Variants in C9orf85 observed in about 807,000 individuals in gnomAD.
C9orf85 encodes the protein uncharacterized protein C9orf85.
C9orf85 carries 16 observed loss-of-function variants against 14.9 expected under a neutral mutation model. That is an observed-to-expected ratio of 1.08 (90% CI 0.73 to 1.63). The LOEUF (loss-of-function observed/expected upper bound fraction) is 1.63. Among genes scored for constraint, C9orf85 ranks in the 40% most tolerant of loss-of-function variants. The probability of loss-of-function intolerance (pLI) is 0.00; values close to 1 mark genes in which losing one functional copy is unlikely to be tolerated. For missense variants in C9orf85, 172 were observed against 186.1 expected (o/e 0.92, Z 0.44); for synonymous variants, 45 against 56.8 (o/e 0.79, Z 0.93).
At chr9:71,933,434 C>T (rs750013414) in intron 1 of C9orf85, among the ~76,000 whole-genome samples, 1 of 152,318 alleles carries the variant, frequency 6.6e-6, no homozygotes, top group South Asian at 2.1e-4. Context: ...CTTTTTCCTA[C>T]TACACAAATT....
chr9:71,916,700 G>C (rs1008413447), intron 1 of C9orf85, among the ~76,000 whole-genome samples: 1 of 152,184 alleles, frequency 6.6e-6, no homozygotes, highest in African/African-American at 2.4e-5. Context: ...CTTAGGACCA[G>C]AGTGTTCTGG....
intron 1 of C9orf85, among the ~76,000 whole-genome samples, chr9:71,936,008 A>G (rs1315756660): frequency 2.0e-5 from 3 of 151,968 alleles, no homozygotes; most frequent in East Asian, 1.9e-4. Context: ...TACAGATTAT[A>G]TAAGGAAGTA....
intron 1 of C9orf85, among the ~76,000 whole-genome samples, chr9:71,945,372 C>T (rs1822058072): frequency 6.6e-6 from 1 of 152,108 alleles, no homozygotes; most frequent in African/African-American, 2.4e-5. Flanking sequence ...AGTTAGGGGC[C>T]TAGAGTAAGC....
At position 71,972,817 on chromosome 9, in the gene C9orf85, CAGG is replaced by C. The variant is rs1564102328; in HGVS notation, c.455_457del (p.Gly152del). On this transcript the variant is annotated inframe_deletion, in exon 4 of 4. Coordinates refer to ENST00000334731, the MANE Select transcript of C9orf85 (RefSeq NM_182505.5). ...GATTTTGATATTGATTTAGAAGACA[CAGG>C]AGGAGACCATCAAATGAATTAATAT... 1.2e-6 allele frequency: 2 copies of C among 1,608,784 alleles called. No individual in the cohort carries two copies. The highest frequency in any genetic ancestry group is 2.2e-5 in the South Asian group (2 of 90,360).
At chr9:71,978,030 C>G (rs1823036510), downstream of C9orf85, among the ~76,000 whole-genome samples, 1 of 152,134 alleles carries the variant, frequency 6.6e-6, no homozygotes, top group Non-Finnish European at 1.5e-5. Context: ...TTTCTATAAC[C>G]TCTAGCAATG....
chr9:71,974,823 T>C (rs1291440721), downstream of C9orf85, among the ~76,000 whole-genome samples: 1 of 152,230 alleles, frequency 6.6e-6, no homozygotes, highest in Non-Finnish European at 1.5e-5. Flanking sequence ...GACTTTTAAA[T>C]TTCTGCCAGT....
chr9:71,981,823 G>A (rs888500753), intron 3 of C9orf85, among the ~76,000 whole-genome samples: 4 of 152,144 alleles, frequency 2.6e-5, no homozygotes, highest in Non-Finnish European at 4.4e-5. Context: ...AGCCTTCATT[G>A]TGCTGTAAAG....
At chr9:71,944,414 AT>A (rs1165895501) in intron 1 of C9orf85, among the ~76,000 whole-genome samples, 10 of 149,992 alleles carry the variant, frequency 6.7e-5, no homozygotes, top group South Asian at 2.1e-4. Flanking sequence ...TCCACTGAAG[AT>A]TTTTTTTTTC....
intron 2 of C9orf85, among the ~76,000 whole-genome samples, chr9:71,955,238 G>A (rs369097895): frequency 6.6e-6 from 1 of 152,116 alleles, no homozygotes; most frequent in Non-Finnish European, 1.5e-5. Flanking sequence ...TGTTCATTGA[G>A]TAAGCACTCA....
chr9:71,953,716 C>T (rs187861434), intron 2 of C9orf85, among the ~76,000 whole-genome samples: 37 of 152,234 alleles, frequency 2.4e-4, no homozygotes, highest in African/African-American at 6.7e-4. Context: ...GTAAATTCTC[C>T]TCTTTTAAAT....
rs767438531 is a variant in C9orf85, at chr9:71,911,766, C to G, written c.32C>G (p.Ser11Cys). The change falls in exon 1 of 4, where the codon TCC (serine) becomes TGC (cysteine). Residue 11 changes from serine to cysteine, a missense_variant. Coordinates refer to ENST00000334731, the MANE Select transcript of C9orf85 (RefSeq NM_182505.5). ...TCCCAGAAAGGCAACGTGGCTCGTT[C>G]CAGACCTCAGAAGCACCAGAATACG... MSSQKGNVAR[S>C]RPQKHQNTFS... is the part of the protein sequence containing the mutation. 6 of 1,613,988 alleles carry G rather than the reference C, an allele frequency of 3.7e-6. No homozygotes were observed. The highest frequency in any genetic ancestry group is 5.1e-6 in the Non-Finnish European group (6 of 1,180,012).
At chr9:71,979,435 A>T (rs1823058025) in intron 3 of C9orf85, among the ~76,000 whole-genome samples, 1 of 152,142 alleles carries the variant, frequency 6.6e-6, no homozygotes, top group South Asian at 2.1e-4. Context: ...CTTTCAAATC[A>T]TCCTAGGGGG....
intron 2 of C9orf85, among the ~76,000 whole-genome samples, chr9:71,967,396 A>G (rs1822723003): frequency 6.6e-6 from 1 of 152,152 alleles, no homozygotes; most frequent in African/African-American, 2.4e-5. Context: ...CCAGTACTAC[A>G]CTACCTTGAT....
chr9:71,949,006 G>C (rs1381685074), intron 2 of C9orf85, among the ~76,000 whole-genome samples: 2 of 152,222 alleles, frequency 1.3e-5, no homozygotes, highest in Non-Finnish European at 2.9e-5. Context: ...TGAATGAATT[G>C]TGTTCTCTGC....
chr9:71,972,271 T>C (rs994103060), intron 3 of C9orf85, among the ~76,000 whole-genome samples: 1 of 152,178 alleles, frequency 6.6e-6, no homozygotes, highest in Non-Finnish European at 1.5e-5. Flanking sequence ...ATGATTTTTT[T>C]TTTTTGAGAA....
intron 2 of C9orf85, among the ~76,000 whole-genome samples, chr9:71,970,033 C>A (rs1822816973): frequency 1.3e-5 from 2 of 151,998 alleles, no homozygotes; most frequent in African/African-American, 4.8e-5. Flanking sequence ...CAACCTCCGC[C>A]TCTTGGGTTC....
At chr9:71,961,291 G>C (rs1822517141) in intron 2 of C9orf85, among the ~76,000 whole-genome samples, 1 of 151,994 alleles carries the variant, frequency 6.6e-6, no homozygotes, top group Non-Finnish European at 1.5e-5. Flanking sequence ...GCCAGGCGCA[G>C]TGGCTCACAC....
chr9:71,967,321 A>C (rs182742367), intron 2 of C9orf85, among the ~76,000 whole-genome samples: 1 of 152,158 alleles, frequency 6.6e-6, no homozygotes. Flanking sequence ...CTTGAAAATC[A>C]GTTGGTCATA....
chr9:71,928,077 C>T (rs766734139), intron 1 of C9orf85, among the ~76,000 whole-genome samples: 10 of 151,508 alleles, frequency 6.6e-5, no homozygotes, highest in Admixed American at 1.3e-4. Flanking sequence ...ATCCCAGCTA[C>T]TTGGGAGGCT....
Sources: allele counts gnomAD v4.1 joint callset (sites outside exome capture counted in the v4.1 genomes callset), GRCh38; gene constraint gnomAD v4.1.1; transcripts MANE v1.5; gene names NCBI Gene and HGNC (gene_info 2026-07-23, HGNC 2026-07-21).